Variants in DOCK3 observed in about 807,000 individuals in gnomAD.
The protein encoded by DOCK3 is dedicator of cytokinesis 3, also known as dedicator of cytokinesis protein 3.
Under a neutral mutation model 265.6 loss-of-function variants are expected in DOCK3, and 60 were observed. That is an observed-to-expected ratio of 0.23 (90% confidence interval 0.18 to 0.28). The LOEUF (loss-of-function observed/expected upper bound fraction) is 0.28, where lower values mean the gene tolerates loss of function less well. Ranked by LOEUF, DOCK3 falls within the 10% of genes least tolerant of loss-of-function variation. DOCK3 has a pLI of 1.00. For missense variants in DOCK3, 1,981 were observed against 2,594.3 expected (o/e 0.76, Z 5.14); for synonymous variants, 881 against 938.0 (o/e 0.94, Z 1.11).
chr3:51,119,679 T>C (rs2083923038), intron 9 of DOCK3, among the ~76,000 whole-genome samples: 1 of 152,062 alleles, frequency 6.6e-6, no homozygotes, highest in Admixed American at 6.6e-5. Flanking sequence ...ATTTTTTCTC[T>C]AATCTTGTCT....
At chr3:51,018,287 G>GT (rs1339857010) in intron 5 of DOCK3, among the ~76,000 whole-genome samples, 1 of 151,422 alleles carries the variant, frequency 6.6e-6, no homozygotes. Flanking sequence ...GTGTAATTTT[G>GT]TTTTTTTCCT....
intron 40 of DOCK3, among the ~76,000 whole-genome samples, chr3:51,353,567 G>T (rs573508783): frequency 1.5e-4 from 23 of 152,198 alleles, no homozygotes; most frequent in African/African-American, 5.5e-4. Flanking sequence ...AGCCCAGATT[G>T]CACCACTGCA....
intron 2 of DOCK3, among the ~76,000 whole-genome samples, chr3:50,790,870 A>G (rs1014333331): frequency 1.3e-5 from 2 of 152,126 alleles, no homozygotes; most frequent in Non-Finnish European, 2.9e-5. Flanking sequence ...TCTAGTGATC[A>G]ATGATACTTT....
chr3:51,356,388 G>T lies in DOCK3; in HGVS notation c.4417-19G>T, dbSNP rs538619890. Reference sequence around the variant, plus strand: ...AAAACTTGCCTAACTGCCCATACCTGCCTGTTCCCTCCCTACAGAGCCTGT... The same window carrying T: ...AAAACTTGCCTAACTGCCCATACCTTCCTGTTCCCTCCCTACAGAGCCTGT... On this transcript the variant is annotated intron_variant, in intron 42 of 52. Transcript: ENST00000266037. 132 of 1,613,530 alleles carry T rather than the reference G, an allele frequency of 8.2e-5. No individual in the cohort carries two copies. Among genetic ancestry groups the T allele is most frequent in the Admixed American group, 4.5e-4 (27 of 59,982 alleles).
At chr3:51,008,990 C>T (rs1282673308) in intron 5 of DOCK3, among the ~76,000 whole-genome samples, 1 of 152,028 alleles carries the variant, frequency 6.6e-6, no homozygotes, top group Non-Finnish European at 1.5e-5. Context: ...GGTGGATAAG[C>T]TTTTTGATGT....
In DOCK3 at chr3:51,097,113, C is replaced by T. The variant is rs115659442; in HGVS notation, c.746+6729C>T. On this transcript the variant is annotated intron_variant, in intron 9 of 52. Coordinates refer to ENST00000266037, the MANE Select transcript of DOCK3 (RefSeq NM_004947.5). ...GGACCCACTTGAGGAGACAGTCTGT[C>T]CCTCAGCAGAGCTCAAGCGCTGTGT... 7.6e-3 allele frequency among the ~76,000 whole-genome samples: 1,158 copies of T among 152,306 alleles called. 17 individuals are homozygous for T. The highest frequency in any genetic ancestry group is 0.027 in the African/African-American group (1,113 of 41,552).
In DOCK3 at chr3:51,075,449, T is replaced by C; in HGVS notation, c.549+9T>C. 4 of 1,593,896 alleles carry C rather than the reference T, an allele frequency of 2.5e-6. No homozygotes were observed. The highest frequency in any genetic ancestry group is 8.5e-7 in the Non-Finnish European group (1 of 1,170,086). On this transcript the variant is annotated intron_variant, in intron 7 of 52. Coordinates refer to ENST00000266037, the MANE Select transcript of DOCK3 (RefSeq NM_004947.5). ...CAGATCTCTATAAGATGGTAAGAAATCTAACATGAGGTAGCTTGTTCCTGC... is the reference window on the plus strand; with the variant it reads ...CAGATCTCTATAAGATGGTAAGAAACCTAACATGAGGTAGCTTGTTCCTGC...
intron 2 of DOCK3, among the ~76,000 whole-genome samples, chr3:50,825,771 A>G (rs1482366984): frequency 6.6e-6 from 1 of 152,126 alleles, no homozygotes; most frequent in Admixed American, 6.6e-5. Context: ...GGCCTTAAAG[A>G]TGCTAACTGT....
chr3:51,089,985 A>G (rs1297270667), intron 8 of DOCK3, among the ~76,000 whole-genome samples: 2 of 150,830 alleles, frequency 1.3e-5, no homozygotes, highest in African/African-American at 2.4e-5. Flanking sequence ...TTTTTAGTTC[A>G]CTTGTAAGTT....
chr3:51,319,711 A>G (rs2083572110), intron 32 of DOCK3, among the ~76,000 whole-genome samples: 1 of 151,994 alleles, frequency 6.6e-6, no homozygotes, highest in Admixed American at 6.6e-5. Flanking sequence ...CTAAAACTAC[A>G]AAAATTAGCT....
intron 4 of DOCK3, among the ~76,000 whole-genome samples, chr3:50,892,157 A>G (rs1211612005): frequency 6.6e-6 from 1 of 152,128 alleles, no homozygotes; most frequent in Non-Finnish European, 1.5e-5. Flanking sequence ...TTGAGAGGCT[A>G]TGATCTTTGA....
intron 1 of DOCK3, among the ~76,000 whole-genome samples, chr3:50,771,460 G>A (rs995342902): frequency 6.6e-6 from 1 of 152,196 alleles, no homozygotes; most frequent in Non-Finnish European, 1.5e-5. Context: ...GTGCTGGTGA[G>A]GATGTGGAGA....
rs564564999 is a variant in DOCK3 at position 51,381,524 on chromosome 3, C to T, written c.6058C>T (p.Arg2020Cys). 664 of 1,569,092 alleles carry T rather than the reference C, an allele frequency of 4.2e-4. No homozygotes were observed. Among genetic ancestry groups the T allele is most frequent in the Non-Finnish European group, 5.2e-4 (598 of 1,159,570 alleles). Residue 2020 changes from arginine to cysteine, a missense_variant, in exon 53 of 53, where the codon CGC becomes TGC. Physicochemically the swap from Arg to Cys is radical, Grantham distance 180. Coordinates refer to ENST00000266037, the MANE Select transcript of DOCK3 (RefSeq NM_004947.5). The surrounding 1 kb of genome is among the most constrained non-coding windows in gnomAD (Gnocchi z 5.6). ...TGGGAGCGCTAAGGAGGAGCAGGCC[C>T]GCATGGCCTGGGAGCACGGCCGAGG... ...PPGSAKEEQA[R>C]MAWEHGRGEQ
At chr3:51,064,968 C>T (rs1049676011) in intron 6 of DOCK3, among the ~76,000 whole-genome samples, 8 of 152,144 alleles carry the variant, frequency 5.3e-5, no homozygotes, top group African/African-American at 1.9e-4. Flanking sequence ...GTGTCCTTCA[C>T]ATTTTATAGC....
At chr3:51,326,451 G>A (rs976776185) in intron 32 of DOCK3, among the ~76,000 whole-genome samples, 1 of 151,508 alleles carries the variant, frequency 6.6e-6, no homozygotes, top group Admixed American at 6.6e-5. Context: ...AGTAGAAACT[G>A]GGTTTCTACT....
At chr3:51,038,445 A>G (rs7638732) in intron 5 of DOCK3, among the ~76,000 whole-genome samples, 127,003 of 152,140 alleles carry the variant, frequency 0.83, 53,468 homozygotes, top group East Asian at 0.95. Context: ...TATAGCAGAG[A>G]GAGATCTGGT....
intron 14 of DOCK3, among the ~76,000 whole-genome samples, chr3:51,223,433 A>G (rs981119298): frequency 3.3e-5 from 5 of 152,164 alleles, no homozygotes; most frequent in Admixed American, 1.3e-4. Flanking sequence ...TATTTTCAGA[A>G]TAACTTCCAG....
At position 51,354,959 on chromosome 3, in the gene DOCK3, G is replaced by A. The variant is rs367930026; in HGVS notation, c.4185G>A (p.Pro1395=). The part of the protein sequence containing the change: ...AFQQRMLSEF[P]QAVAMQHPNH... ...AGCAGAGGATGCTCAGTGAGTTTCCGCAGGCTGTCGCCATGCAGCACCCCA... is the reference window on the plus strand; with the variant it reads ...AGCAGAGGATGCTCAGTGAGTTTCCACAGGCTGTCGCCATGCAGCACCCCA... The change falls in exon 41 of 53, where the codon CCG becomes CCA. Residue 1395 remains proline (P), a synonymous_variant. Transcript: ENST00000266037. The A allele has an allele frequency of 1.4e-5, 23 of 1,613,758 alleles. No homozygotes were observed. Among genetic ancestry groups the A allele is most frequent in the Middle Eastern group, 3.3e-4 (2 of 6,084 alleles).
rs1184156706 is a variant in DOCK3 at position 50,675,955 on chromosome 3, G to GT, written c.37+657dup. On this transcript the variant is annotated intron_variant, in intron 1 of 52. Coordinates refer to ENST00000266037, the MANE Select transcript of DOCK3 (RefSeq NM_004947.5). This position sits in a 1 kb window ranked among gnomAD's most constrained non-coding sequence, Gnocchi z 6.1. ...GAAACCTTTTTTTAATGTTGTAAGT[G>GT]TTAAACTCCAGAAGCTAAATAATTC... Among the ~76,000 whole-genome samples, 1 of 151,868 alleles carries GT rather than the reference G, an allele frequency of 6.6e-6. No homozygotes were observed. Among genetic ancestry groups the GT allele is most frequent in the Non-Finnish European group, 1.5e-5 (1 of 68,008 alleles).
Sources: allele counts gnomAD v4.1 joint callset (sites outside exome capture counted in the v4.1 genomes callset), GRCh38; gene constraint gnomAD v4.1.1; non-coding constraint Gnocchi (gnomAD v3.1); transcripts MANE v1.5; gene names NCBI Gene and HGNC (gene_info 2026-07-23, HGNC 2026-07-21).